Variants in FGFR3 observed in about 807,000 individuals in gnomAD.
FGFR3 encodes the protein fibroblast growth factor receptor 3.
FGFR3 carries 25 observed loss-of-function variants against 82.9 expected under a neutral mutation model. The ratio of observed to expected loss-of-function variants is 0.30; its 90% confidence interval spans 0.22 to 0.42. FGFR3 has a LOEUF of 0.42. Among genes scored for constraint, FGFR3 ranks in the 10% least tolerant of loss-of-function variants. FGFR3 has a pLI of 1.00. For synonymous variants in FGFR3, 620 were observed against 516.0 expected, an observed-to-expected ratio of 1.20 and a Z score of -2.73; for missense variants, 1,026 against 1,161.0, an observed-to-expected ratio of 0.88 and a Z score of 1.69.
Position 1,801,600 on chromosome 4 carries a change from C to A in FGFR3, c.616-20C>A. 1.2e-6 allele frequency: 2 copies of A among 1,600,294 alleles called. No individual in the cohort carries two copies. The highest frequency in any genetic ancestry group is 1.7e-6 in the Non-Finnish European group (2 of 1,174,760). On this transcript the variant is annotated intron_variant, in intron 5 of 17. Coordinates refer to ENST00000440486, the MANE Select transcript of FGFR3 (RefSeq NM_000142.5). Reference sequence around the variant, plus strand: ...GTGGTTGCTGCCTCCGCTCACTCACCCGCCCGCGTCCCGGTGCAGCTGCGG... The same window carrying A: ...GTGGTTGCTGCCTCCGCTCACTCACACGCCCGCGTCCCGGTGCAGCTGCGG...
Position 1,807,336 on chromosome 4 carries a change from G to A in FGFR3, c.*74G>A. ...GCTGCTGGTGCACAGCCACTCCCCG[G>A]CATGAGACTCAGTGCAGATGGAGAG... On this transcript the variant is annotated 3_prime_UTR_variant, in exon 18 of 18. Coordinates refer to ENST00000440486, the MANE Select transcript of FGFR3 (RefSeq NM_000142.5). 1.3e-6 allele frequency: 2 copies of A among 1,531,064 alleles called. No individual in the cohort carries two copies. The highest frequency in any genetic ancestry group is 2.4e-5 in the East Asian group (1 of 41,042). The allele number at this position is 1,531,064 out of a possible 1,614,324, so 94.8% of individuals were successfully genotyped here. A position where few individuals can be genotyped will look rare whatever the true frequency, so the allele number is the denominator to read the frequency against.
chr4:1,806,667 A>G lies in FGFR3; in HGVS notation c.2152A>G (p.Asn718Asp), dbSNP rs587778358. 16 of 1,612,690 alleles carry G rather than the reference A, an allele frequency of 9.9e-6. No homozygotes were observed. In the South Asian group the frequency reaches 1.3e-4, roughly 13 times the overall value. ...KEGHRMDKPA[N>D]CTHDLYMIMR... is the part of the protein sequence containing the mutation. Reference sequence around the variant, plus strand: ...GGGCCACCGCATGGACAAGCCCGCCAACTGCACACACGACCTGTGAGTGGC... The same window carrying G: ...GGGCCACCGCATGGACAAGCCCGCCGACTGCACACACGACCTGTGAGTGGC... Residue 718 changes from asparagine to aspartate, a missense_variant, in exon 16 of 18, where the codon AAC (asparagine) becomes GAC (aspartate). Physicochemically the swap from Asn to Asp is conservative, Grantham distance 23 (BLOSUM62 1). This residue lies in a region of FGFR3 where 155 missense variants were observed against 150.2 expected (regional missense o/e 1.03). Transcript: ENST00000440486.
intron 2 of FGFR3, among the ~76,000 whole-genome samples, chr4:1,795,061 C>T (rs1428209195): frequency 6.6e-6 from 1 of 151,954 alleles, no homozygotes; most frequent in African/African-American, 2.4e-5. Flanking sequence ...TCCGCCCCGC[C>T]CGCGCCCCCG....
intron 8 of FGFR3, 122 bp from the exon 9 acceptor site, chr4:1,804,208 C>T (rs562138052): frequency 1.1e-5 from 12 of 1,107,698 alleles, no homozygotes; most frequent in East Asian, 4.7e-5. Context: ...AGACAAGGCG[C>T]GTGCTGAGGT....
intron 7 of FGFR3, chr4:1,802,939 C>G (rs752936320): frequency 6.2e-7 from 1 of 1,602,550 alleles, no homozygotes; most frequent in Non-Finnish European, 8.5e-7. Flanking sequence ...AGTGTGGAGG[C>G]CGACGTGCGC....
In FGFR3 at chr4:1,805,343, C is replaced by G; in HGVS notation, c.1413-12C>G. 2 of 1,610,934 alleles carry G rather than the reference C, an allele frequency of 1.2e-6. No homozygotes were observed. Among genetic ancestry groups the G allele is most frequent in the Non-Finnish European group, 1.7e-6 (2 of 1,179,882 alleles). Reference sequence around the variant, plus strand: ...GTTTGCACACTCATGGTCCCTCTGCCTCCACTGCCAGGCTGACCCTGGGCA... The same window carrying G: ...GTTTGCACACTCATGGTCCCTCTGCGTCCACTGCCAGGCTGACCCTGGGCA... On this transcript the variant is annotated splice_polypyrimidine_tract_variant and intron_variant, in intron 10 of 17. Transcript: ENST00000440486.
At chr4:1,794,084 G>A in intron 2 of FGFR3, 41 bp downstream of exon 2, 1 of 1,199,608 alleles carries the variant, frequency 8.3e-7, no homozygotes, top group East Asian at 3.2e-5. Context: ...GCCGGCCCGT[G>A]CGGGCAGAGG....
At chr4:1,799,956 C>T in intron 4 of FGFR3, 144 bp downstream of exon 4, 2 of 896,068 alleles carry the variant, frequency 2.2e-6, no homozygotes, top group Non-Finnish European at 3.4e-6. Flanking sequence ...CCTCAGGATA[C>T]AGGAGGGGCT....
chr4:1,805,202 C>T (rs528797685), intron 10 of FGFR3, among the ~76,000 whole-genome samples, 153 bp from the exon 11 acceptor site: 175 of 152,342 alleles, frequency 1.1e-3, no homozygotes, highest in African/African-American at 3.1e-3. Context: ...TGACACTCTT[C>T]GTCCTTACGA....
Position 1,799,794 on chromosome 4 carries a change from G to A in FGFR3, c.427G>A (p.Asp143Asn). The A allele has an allele frequency of 1.9e-6, 3 of 1,612,912 alleles. No homozygotes were observed. The highest frequency in any genetic ancestry group is 2.5e-6 in the Non-Finnish European group (3 of 1,179,888). Residue 143 changes from aspartate to asparagine, a missense_variant, in exon 4 of 18, where the codon GAC (aspartate) becomes AAC (asparagine). Transcript: ENST00000440486. The part of the protein sequence containing the change: ...DDEDGEDEAE[D>N]TGVDTGAPYW... ...CGAAGACGGGGAGGACGAGGCTGAG[G>A]ACACAGGTGTGGACACAGGTAGGAG...
At position 1,807,096 on chromosome 4, in the gene FGFR3, AC is replaced by A; in HGVS notation, c.2275-16del. The A allele has an allele frequency of 6.4e-7, 1 of 1,559,580 alleles. No individual in the cohort carries two copies. The highest frequency in any genetic ancestry group is 8.7e-7 in the Non-Finnish European group (1 of 1,152,842). On this transcript the variant is annotated intron_variant, in intron 17 of 17. Transcript: ENST00000440486. ...AGAGGGGCTCGGTGGCACAGCGCTCACCCCGCCTCCCGCCAGCAGGAGTACC... is the reference window on the plus strand; with the variant it reads ...AGAGGGGCTCGGTGGCACAGCGCTCACCCGCCTCCCGCCAGCAGGAGTACC...
In FGFR3 at chr4:1,807,367, T is replaced by G; in HGVS notation, c.*105T>G. On this transcript the variant is annotated 3_prime_UTR_variant, in exon 18 of 18. Transcript: ENST00000440486. Reference sequence around the variant, plus strand: ...GACTCAGTGCAGATGGAGAGACAGCTACACAGAGCTTTGGTCTGTGTGTGT... The same window carrying G: ...GACTCAGTGCAGATGGAGAGACAGCGACACAGAGCTTTGGTCTGTGTGTGT... The G allele has an allele frequency of 6.9e-7, 1 of 1,452,640 alleles. No individual in the cohort carries two copies. The highest frequency in any genetic ancestry group is 1.2e-5 in the South Asian group (1 of 82,144). The allele number at this position is 1,452,640 out of a possible 1,614,324, so 90.0% of individuals were successfully genotyped here. A position where few individuals can be genotyped will look rare whatever the true frequency, so the allele number is the denominator to read the frequency against.
rs1721651346 is a variant in FGFR3 at position 1,804,681 on chromosome 4, G to A, written c.1267-143G>A. ...CACCATGTAGAGCCTAGGGTACTTTGGGGCACGAAACATTCTAAAAATCTT... is the reference window on the plus strand; with the variant it reads ...CACCATGTAGAGCCTAGGGTACTTTAGGGCACGAAACATTCTAAAAATCTT... On this transcript the variant is annotated intron_variant, in intron 9 of 17. Transcript: ENST00000440486. The A allele has an allele frequency of 2.1e-6, 3 of 1,422,660 alleles. No homozygotes were observed. In the East Asian group the frequency reaches 7.1e-5, roughly 34 times the overall value. The allele number at this position is 1,422,660 out of a possible 1,614,324, so 88.1% of individuals were successfully genotyped here.
In FGFR3 at chr4:1,803,678, C is replaced by T. The variant is rs759565496; in HGVS notation, c.931-14C>T. On this transcript the variant is annotated splice_polypyrimidine_tract_variant and intron_variant, in intron 7 of 17. Coordinates refer to ENST00000440486, the MANE Select transcript of FGFR3 (RefSeq NM_000142.5). ...GTGCTGGCGCTCGCCTATCGCTCTG[C>T]TCTCTCTTTGTAGACGGCGGGCGCT... is the stretch of plus-strand genomic sequence containing the variant. The T allele has an allele frequency of 9.3e-6, 15 of 1,612,904 alleles. No homozygotes were observed. Among genetic ancestry groups the T allele is most frequent in the African/African-American group, 2.7e-5 (2 of 74,934 alleles).
chr4:1,796,734 G>A (rs1348948538), intron 2 of FGFR3, among the ~76,000 whole-genome samples: 1 of 152,186 alleles, frequency 6.6e-6, no homozygotes, highest in Admixed American at 6.5e-5. Flanking sequence ...GCCGTCCCCA[G>A]CACCCTGCCT....
In FGFR3 at chr4:1,805,665, G is replaced by C. The variant is rs1360262347; in HGVS notation, c.1641G>C (p.Gln547His). The C allele has an allele frequency of 1.9e-6, 3 of 1,612,774 alleles. No individual in the cohort carries two copies. The African/African-American group carries it at 4.0e-5, about 22-fold the overall frequency. The change falls in exon 12 of 18, where the codon CAG becomes CAC. Residue 547 changes from glutamine (Q) to histidine (H), a missense_variant. Gln to His is a conservative substitution (Grantham distance 24). Around this residue, in one of 9 missense-constraint regions of FGFR3, gnomAD observed 164 missense variants for 167.5 expected, o/e 0.98. Coordinates refer to ENST00000440486, the MANE Select transcript of FGFR3 (RefSeq NM_000142.5). Reference protein sequence around the residue: ...NIINLLGACTQGGPLYVLVEY... With the variant: ...NIINLLGACTHGGPLYVLVEY... ...TCAACCTGCTGGGCGCCTGCACGCA[G>C]GGCGGTAGGTGCGGTAGCGGCGGTG...
chr4:1,803,018 C>G (rs765402176), intron 7 of FGFR3: 1 of 1,601,088 alleles, frequency 6.2e-7, no homozygotes, highest in East Asian at 2.3e-5. Context: ...ATTTCATAGG[C>G]GTGGCCGAGA....
chr4:1,806,807 C>T (rs1246364645), intron 16 of FGFR3, 22 bp from the exon 17 acceptor site: 1 of 1,587,656 alleles, frequency 6.3e-7, no homozygotes, highest in Non-Finnish European at 8.6e-7. Context: ...GCGGGGCTCA[C>T]TCCTGAGCGC....
At position 1,808,474 on chromosome 4, in the gene FGFR3, C is replaced by T. The variant is rs1380357560; in HGVS notation, c.*1212C>T. Reference sequence around the variant, plus strand: ...TTGCTGTGTGTCCCAGGCAGGGAGACGGTTTCCAGGGAGGGGCCGGCCCTG... The same window carrying T: ...TTGCTGTGTGTCCCAGGCAGGGAGATGGTTTCCAGGGAGGGGCCGGCCCTG... On this transcript the variant is annotated 3_prime_UTR_variant, in exon 18 of 18. Coordinates refer to ENST00000440486, the MANE Select transcript of FGFR3 (RefSeq NM_000142.5). The T allele has an allele frequency of 2.6e-5, 6 of 231,900 alleles. No homozygotes were observed. Among genetic ancestry groups the T allele is most frequent in the African/African-American group, 1.1e-4 (5 of 45,186 alleles). The allele number at this position is 231,900 out of a possible 1,614,324, so 14.4% of individuals were successfully genotyped here.
Sources: allele counts gnomAD v4.1 joint callset (sites outside exome capture counted in the v4.1 genomes callset), GRCh38; gene constraint gnomAD v4.1.1; regional missense constraint gnomAD v4.1.1; transcripts MANE v1.5; gene names NCBI Gene and HGNC (gene_info 2026-07-23, HGNC 2026-07-21).